OR5M1: variants seen among roughly 807,000 people sequenced by gnomAD.
OR5M1 encodes the protein olfactory receptor family 5 subfamily M member 1, also known as olfactory receptor 5M1.
For missense variants in OR5M1, 367 were observed against 379.5 expected (o/e 0.97, Z 0.27); for synonymous variants, 165 against 144.2 (o/e 1.14, Z -1.04).
In OR5M1 at chr11:56,612,940, G is replaced by A. The variant is rs962147683; in HGVS notation, c.563C>T (p.Ala188Val). Reference sequence around the variant, plus strand: ...CTTTTTGACACGGGTGTCAGAGCAGGCCAGCATGATAAGAGGAGGATCAGC... The same window carrying A: ...CTTTTTGACACGGGTGTCAGAGCAGACCAGCATGATAAGAGGAGGATCAGC... ...YCADPPLIMLACSDTRVKKMA... is the reference protein window; with the variant it reads ...YCADPPLIMLVCSDTRVKKMA... Residue 188 changes from alanine (A) to valine (V), a missense_variant, in exon 2 of 2, where the codon GCC (alanine) becomes GTC (valine). Transcript: ENST00000641076. 9 of 1,613,724 alleles carry A rather than the reference G, an allele frequency of 5.6e-6. No homozygotes were observed. The highest frequency in any genetic ancestry group is 7.6e-6 in the Non-Finnish European group (9 of 1,179,770).
Position 56,610,015 on chromosome 11 carries a change from A to T in OR5M1, c.*2540T>A, listed in dbSNP as rs1251841037. 6.6e-6 allele frequency: 1 copy of T among 152,074 alleles called. No individual in the cohort carries two copies. Among genetic ancestry groups the T allele is most frequent in the African/African-American group, 2.4e-5 (1 of 41,456 alleles). The allele number at this position is 152,074 out of a possible 1,614,324, so 9.4% of individuals were successfully genotyped here. A position where few individuals can be genotyped will look rare whatever the true frequency, so the allele number is the denominator to read the frequency against. The stretch of plus-strand genomic sequence containing the variant: ...AAATTTGTATATGATAAGTGATTTC[A>T]CATTTGCTTGATGCATTTTAGTAAC... On this transcript the variant is annotated 3_prime_UTR_variant, in exon 2 of 2. Coordinates refer to ENST00000641076, the MANE Select transcript of OR5M1 (RefSeq NM_001004740.2).
In OR5M1 at chr11:56,610,603, A is replaced by G. The variant is rs1174017342; in HGVS notation, c.*1952T>C. 2 of 152,098 alleles carry G rather than the reference A, an allele frequency of 1.3e-5. No individual in the cohort carries two copies. The highest frequency in any genetic ancestry group is 4.8e-5 in the African/African-American group (2 of 41,448). 9.4% of individuals were successfully genotyped at this position (152,098 alleles called of 1,614,324 possible). On this transcript the variant is annotated 3_prime_UTR_variant, in exon 2 of 2. Coordinates refer to ENST00000641076, the MANE Select transcript of OR5M1 (RefSeq NM_001004740.2). ...GGCTCCAATGTTGTAAATGGAGATA[A>G]TAATTCTCTCATTATTTCATTTATG...
rs1853649188 is a variant in OR5M1 at position 56,609,480 on chromosome 11, C to T, written c.*3075G>A. 6.6e-6 allele frequency: 1 copy of T among 151,934 alleles called. No homozygotes were observed. The highest frequency in any genetic ancestry group is 1.5e-5 in the Non-Finnish European group (1 of 67,852). 9.4% of individuals were successfully genotyped at this position (151,934 alleles called of 1,614,324 possible). On this transcript the variant is annotated 3_prime_UTR_variant, in exon 2 of 2. Transcript: ENST00000641076. ...CATCAAAGAAGCAAATAACCATAAA[C>T]AAGAGCTCCTACTACTGATAGAGTT... is the stretch of plus-strand genomic sequence containing the variant.
In OR5M1 at chr11:56,610,120, C is replaced by T. The variant is rs1051086249; in HGVS notation, c.*2435G>A. On this transcript the variant is annotated 3_prime_UTR_variant, in exon 2 of 2. Transcript: ENST00000641076. ...ATCCTTTGTCACAGGACAGATCCCT[C>T]ATAAATTTTACTCCCTCATATTTGT... 5 of 152,056 alleles carry T rather than the reference C, an allele frequency of 3.3e-5. No individual in the cohort carries two copies. Among genetic ancestry groups the T allele is most frequent in the South Asian group, 2.1e-4 (1 of 4,822 alleles). 9.4% of individuals were successfully genotyped at this position (152,056 alleles called of 1,614,324 possible). A position where few individuals can be genotyped will look rare whatever the true frequency, so the allele number is the denominator to read the frequency against.
At position 56,610,447 on chromosome 11, in the gene OR5M1, T is replaced by A. The variant is rs142721130; in HGVS notation, c.*2108A>T. 6.6e-6 allele frequency: 1 copy of A among 152,050 alleles called. No homozygotes were observed. The highest frequency in any genetic ancestry group is 2.4e-5 in the African/African-American group (1 of 41,412). The allele number at this position is 152,050 out of a possible 1,614,324, so 9.4% of individuals were successfully genotyped here. ...ACATTCCACCAAGCATTTGCAGTGT[T>A]TTGAGAATTTCTTTAATAACAACTA... On this transcript the variant is annotated 3_prime_UTR_variant, in exon 2 of 2. Coordinates refer to ENST00000641076, the MANE Select transcript of OR5M1 (RefSeq NM_001004740.2).
rs1206622204 is a variant in OR5M1 at position 56,612,107 on chromosome 11, C to T, written c.*448G>A. 1 of 152,510 alleles carries T rather than the reference C, an allele frequency of 6.6e-6. No individual in the cohort carries two copies. The highest frequency in any genetic ancestry group is 2.4e-5 in the African/African-American group (1 of 41,384). The allele number at this position is 152,510 out of a possible 1,614,324, so 9.4% of individuals were successfully genotyped here. Reference sequence around the variant, plus strand: ...TTGATTACAATAAGCACAAAGGTAGCTGAGCTATTGTTCAAGACACCATAT... The same window carrying T: ...TTGATTACAATAAGCACAAAGGTAGTTGAGCTATTGTTCAAGACACCATAT... On this transcript the variant is annotated 3_prime_UTR_variant, in exon 2 of 2. Transcript: ENST00000641076.
chr11:56,612,427 G>A lies in OR5M1; in HGVS notation c.*128C>T. 2 of 560,084 alleles carry A rather than the reference G, an allele frequency of 3.6e-6. No homozygotes were observed. Among genetic ancestry groups the A allele is most frequent in the Non-Finnish European group, 6.2e-6 (2 of 325,012 alleles). The allele number at this position is 560,084 out of a possible 1,614,324, so 34.7% of individuals were successfully genotyped here. On this transcript the variant is annotated 3_prime_UTR_variant, in exon 2 of 2. Transcript: ENST00000641076. ...AAATCAATCTTCAAGGTTTTCATTTGGATAAGAAAGTAAAGTGGTTACTGA... is the reference window on the plus strand; with the variant it reads ...AAATCAATCTTCAAGGTTTTCATTTAGATAAGAAAGTAAAGTGGTTACTGA...
rs567896952 is a variant in OR5M1, at chr11:56,611,620, A to G, written c.*935T>C. 5 of 152,198 alleles carry G rather than the reference A, an allele frequency of 3.3e-5. No individual in the cohort carries two copies. In the South Asian group the frequency reaches 1.0e-3, roughly 32 times the overall value. 9.4% of individuals were successfully genotyped at this position (152,198 alleles called of 1,614,324 possible). On this transcript the variant is annotated 3_prime_UTR_variant, in exon 2 of 2. Transcript: ENST00000641076. ...TGTGTCTCCTTAGGTAGCCTCTCTG[A>G]GATTGATTTTCTCTATAGCAGCTTC... is the stretch of plus-strand genomic sequence containing the variant.
rs955200741 is a variant in OR5M1 at position 56,611,680 on chromosome 11, T to G, written c.*875A>C. ...TAGAACACCCTTATTTTAAAAATAATGGGCCACAGAAAGCTTCATGAAGCA... is the reference window on the plus strand; with the variant it reads ...TAGAACACCCTTATTTTAAAAATAAGGGGCCACAGAAAGCTTCATGAAGCA... On this transcript the variant is annotated 3_prime_UTR_variant, in exon 2 of 2. Transcript: ENST00000641076. The G allele has an allele frequency of 2.6e-4, 39 of 152,102 alleles. No homozygotes were observed. Among genetic ancestry groups the G allele is most frequent in the African/African-American group, 9.4e-4 (39 of 41,418 alleles). 9.4% of individuals were successfully genotyped at this position (152,102 alleles called of 1,614,324 possible).
In OR5M1 at chr11:56,610,047, G is replaced by A. The variant is rs976215659; in HGVS notation, c.*2508C>T. On this transcript the variant is annotated 3_prime_UTR_variant, in exon 2 of 2. Transcript: ENST00000641076. ...CTTGATGCATTTTAGTAACATGTAC[G>A]CATATAAACTTATTGAGAAGAAATG... 3.9e-5 allele frequency: 6 copies of A among 151,954 alleles called. No homozygotes were observed. Among genetic ancestry groups the A allele is most frequent in the East Asian group, 1.9e-4 (1 of 5,162 alleles). The allele number at this position is 151,954 out of a possible 1,614,324, so 9.4% of individuals were successfully genotyped here. A position where few individuals can be genotyped will look rare whatever the true frequency, so the allele number is the denominator to read the frequency against.
rs1853661972 is a variant in OR5M1, at chr11:56,610,417, C to T, written c.*2138G>A. 1 of 152,026 alleles carries T rather than the reference C, an allele frequency of 6.6e-6. No homozygotes were observed. Among genetic ancestry groups the T allele is most frequent in the Non-Finnish European group, 1.5e-5 (1 of 67,962 alleles). 9.4% of individuals were successfully genotyped at this position (152,026 alleles called of 1,614,324 possible). A position where few individuals can be genotyped will look rare whatever the true frequency, so the allele number is the denominator to read the frequency against. Reference sequence around the variant, plus strand: ...AGCAATAATCTCATCAATTCATAATCTCCAACATTCCACCAAGCATTTGCA... The same window carrying T: ...AGCAATAATCTCATCAATTCATAATTTCCAACATTCCACCAAGCATTTGCA... On this transcript the variant is annotated 3_prime_UTR_variant, in exon 2 of 2. Transcript: ENST00000641076.
rs1198601766 is a variant in OR5M1, at chr11:56,610,139, T to C, written c.*2416A>G. The C allele has an allele frequency of 1.3e-5, 2 of 152,022 alleles. No individual in the cohort carries two copies. Among genetic ancestry groups the C allele is most frequent in the African/African-American group, 2.4e-5 (1 of 41,432 alleles). The allele number at this position is 152,022 out of a possible 1,614,324, so 9.4% of individuals were successfully genotyped here. ...ATCCCTCATAAATTTTACTCCCTCA[T>C]ATTTGTCTGTACCTGGTAATTAATT... On this transcript the variant is annotated 3_prime_UTR_variant, in exon 2 of 2. Transcript: ENST00000641076.
rs373556834 is a variant in OR5M1, at chr11:56,612,675, G to T, written c.828C>A (p.Val276=). Residue 276 remains valine (V), a synonymous_variant, in exon 2 of 2, where the codon GTC becomes GTA. Coordinates refer to ENST00000641076, the MANE Select transcript of OR5M1 (RefSeq NM_001004740.2). ...GCATTGGGCTCAAAAAAGTATAAAA[G>T]ACTGCAGTTATTTTGGACTCCTCTA... The part of the protein sequence containing the change: ...KSVEESKITA[V]FYTFLSPMLN... 7.4e-6 allele frequency: 12 copies of T among 1,613,640 alleles called. No individual in the cohort carries two copies. The African/African-American group carries it at 1.5e-4, about 20-fold the overall frequency.
rs995895775 is a variant in OR5M1 at position 56,609,259 on chromosome 11, A to G, written c.*3296T>C. The G allele has an allele frequency of 1.3e-5, 2 of 151,962 alleles. No individual in the cohort carries two copies. The highest frequency in any genetic ancestry group is 4.8e-5 in the African/African-American group (2 of 41,464). The allele number at this position is 151,962 out of a possible 1,614,324, so 9.4% of individuals were successfully genotyped here. On this transcript the variant is annotated 3_prime_UTR_variant, in exon 2 of 2. Transcript: ENST00000641076. ...TTTTTTCAATTTTAGGATGAGGAAA[A>G]CTTACATAACAGCAATAAGCAAAAG...
At position 56,611,663 on chromosome 11, in the gene OR5M1, C is replaced by T. The variant is rs780204592; in HGVS notation, c.*892G>A. On this transcript the variant is annotated 3_prime_UTR_variant, in exon 2 of 2. Coordinates refer to ENST00000641076, the MANE Select transcript of OR5M1 (RefSeq NM_001004740.2). The stretch of plus-strand genomic sequence containing the variant: ...GCAGCTTCAAGAACTACTAGAACAC[C>T]CTTATTTTAAAAATAATGGGCCACA... 6.6e-6 allele frequency: 1 copy of T among 151,924 alleles called. No homozygotes were observed. The highest frequency in any genetic ancestry group is 1.5e-5 in the Non-Finnish European group (1 of 67,956). 9.4% of individuals were successfully genotyped at this position (151,924 alleles called of 1,614,324 possible).
At position 56,612,798 on chromosome 11, in the gene OR5M1, G is replaced by C; in HGVS notation, c.705C>G (p.His235Gln). The part of the protein sequence containing the change: ...IFRIRSAEGR[H>Q]KAFSTCASHL... Reference sequence around the variant, plus strand: ...GGGAAGCACACGTAGAAAAGGCTTTGTGCCTGCCTTCAGCAGAACGGATCC... The same window carrying C: ...GGGAAGCACACGTAGAAAAGGCTTTCTGCCTGCCTTCAGCAGAACGGATCC... The change falls in exon 2 of 2, where the codon CAC (histidine) becomes CAG (glutamine). Residue 235 changes from histidine (H) to glutamine (Q), a missense_variant. Coordinates refer to ENST00000641076, the MANE Select transcript of OR5M1 (RefSeq NM_001004740.2). 6.2e-7 allele frequency: 1 copy of C among 1,613,756 alleles called. No individual in the cohort carries two copies. Among genetic ancestry groups the C allele is most frequent in the Non-Finnish European group, 8.5e-7 (1 of 1,179,766 alleles).
rs1329687042 is a variant in OR5M1, at chr11:56,610,213, G to A, written c.*2342C>T. 6.6e-6 allele frequency: 1 copy of A among 151,926 alleles called. No homozygotes were observed. Among genetic ancestry groups the A allele is most frequent in the East Asian group, 1.9e-4 (1 of 5,178 alleles). The allele number at this position is 151,926 out of a possible 1,614,324, so 9.4% of individuals were successfully genotyped here. A position where few individuals can be genotyped will look rare whatever the true frequency, so the allele number is the denominator to read the frequency against. ...GACTGGGAAAATATATTAATAAAAT[G>A]CAGCCTAAATAGCATATATGTCTTC... On this transcript the variant is annotated 3_prime_UTR_variant, in exon 2 of 2. Coordinates refer to ENST00000641076, the MANE Select transcript of OR5M1 (RefSeq NM_001004740.2).
rs1853659652 is a variant in OR5M1, at chr11:56,610,258, C to T, written c.*2297G>A. The T allele has an allele frequency of 6.6e-6, 1 of 151,930 alleles. No individual in the cohort carries two copies. The highest frequency in any genetic ancestry group is 1.5e-5 in the Non-Finnish European group (1 of 67,918). 9.4% of individuals were successfully genotyped at this position (151,930 alleles called of 1,614,324 possible). On this transcript the variant is annotated 3_prime_UTR_variant, in exon 2 of 2. Transcript: ENST00000641076. ...GTCTTCTGTATATCAAAATTTTCTC[C>T]CTTCACATGGACGTTAAGACAATTT...
rs1306295162 is a variant in OR5M1 at position 56,610,037 on chromosome 11, T to C, written c.*2518A>G. 2.0e-5 allele frequency: 3 copies of C among 152,070 alleles called. No homozygotes were observed. The highest frequency in any genetic ancestry group is 7.2e-5 in the African/African-American group (3 of 41,458). The allele number at this position is 152,070 out of a possible 1,614,324, so 9.4% of individuals were successfully genotyped here. ...TTCACATTTGCTTGATGCATTTTAGTAACATGTACGCATATAAACTTATTG... is the reference window on the plus strand; with the variant it reads ...TTCACATTTGCTTGATGCATTTTAGCAACATGTACGCATATAAACTTATTG... On this transcript the variant is annotated 3_prime_UTR_variant, in exon 2 of 2. Coordinates refer to ENST00000641076, the MANE Select transcript of OR5M1 (RefSeq NM_001004740.2).
Sources: gnomAD v4.1 joint callset for allele counts on GRCh38, gnomAD v4.1.1 for gene constraint, MANE v1.5 for transcripts, NCBI Gene and HGNC (gene_info 2026-07-23, HGNC 2026-07-21) for gene names.